ZMYM2: variants seen among roughly 807,000 people sequenced by gnomAD.
ZMYM2 encodes the protein zinc finger MYM-type containing 2.
In ZMYM2, 56 loss-of-function variants were observed where a neutral mutation model predicts 162.8. The observed-to-expected ratio is 0.34, with a 90% confidence interval of 0.28 to 0.43. ZMYM2 has a LOEUF of 0.43. Among genes scored for constraint, ZMYM2 ranks in the 20% least tolerant of loss-of-function variants. The probability of loss-of-function intolerance (pLI) is 1.00; values close to 1 mark genes in which losing one functional copy is unlikely to be tolerated. For missense variants in ZMYM2, 1,275 were observed against 1,621.8 expected (o/e 0.79, Z 3.67); for synonymous variants, 510 against 541.6 (o/e 0.94, Z 0.81).
the ZMYM2 span, among the ~76,000 whole-genome samples, chr13:19,884,245 C>T: frequency 6.6e-6 from 1 of 152,046 alleles, no homozygotes; most frequent in Non-Finnish European, 1.5e-5. Flanking sequence ...AGGGTTGTGT[C>T]CAGTATTTAT....
intron 2 of ZMYM2, among the ~76,000 whole-genome samples, chr13:19,992,365 G>T (rs967115518): frequency 6.6e-6 from 1 of 152,112 alleles, no homozygotes; most frequent in African/African-American, 2.4e-5. Flanking sequence ...TTTGAGACCA[G>T]CCAGGGCAAC....
Position 20,086,772 on chromosome 13 carries a change from T to TATATATAC in ZMYM2, c.*765_*766insCATATATA, listed in dbSNP as rs1958294128. 1 of 11,936 alleles carries TATATATAC rather than the reference T, an allele frequency of 8.4e-5. No homozygotes were observed. Among genetic ancestry groups the TATATATAC allele is most frequent in the African/African-American group, 3.0e-4 (1 of 3,372 alleles). The allele number at this position is 11,936 out of a possible 1,614,324, so 0.7% of individuals were successfully genotyped here. A position where few individuals can be genotyped will look rare whatever the true frequency, so the allele number is the denominator to read the frequency against. On this transcript the variant is annotated 3_prime_UTR_variant, in exon 25 of 25. Coordinates refer to ENST00000610343, the MANE Select transcript of ZMYM2 (RefSeq NM_197968.4). ...ATATATATGTATGTATGTGTGTGTG[T>TATATATAC]ATATATATATATATATATATATATA... is the stretch of plus-strand genomic sequence containing the variant.
chr13:19,886,162 CTTTTTTTT>C, the ZMYM2 span, among the ~76,000 whole-genome samples: 4 of 98,448 alleles, frequency 4.1e-5, no homozygotes, highest in African/African-American at 1.6e-4. Context: ...TTCTTTCTTT[CTTTTTTTT>C]TTTTTTTTTT....
At chr13:19,901,040 G>A in the ZMYM2 span, among the ~76,000 whole-genome samples, 1 of 152,244 alleles carries the variant, frequency 6.6e-6, no homozygotes, top group East Asian at 1.9e-4. Context: ...ATGTCTTCAT[G>A]TAGCCTTTCC....
intron 2 of ZMYM2, among the ~76,000 whole-genome samples, chr13:19,982,281 C>CTT (rs56165263): frequency 0.16 from 13,587 of 85,454 alleles, 726 homozygotes; most frequent in Non-Finnish European, 0.2. Flanking sequence ...TATTAGCTGT[C>CTT]TTTTTTTTTT....
rs1957022368 is a variant in ZMYM2 at position 19,978,759 on chromosome 13, A to G, written c.-10-14304A>G. On this transcript the variant is annotated intron_variant, in intron 2 of 24. Transcript: ENST00000610343. Reference sequence around the variant, plus strand: ...CTTTATCTTTTATATCATATAAAAAAATTAATTATAAACCTAAAGTACATT... The same window carrying G: ...CTTTATCTTTTATATCATATAAAAAGATTAATTATAAACCTAAAGTACATT... 2.0e-5 allele frequency among the ~76,000 whole-genome samples: 3 copies of G among 152,320 alleles called. No individual in the cohort carries two copies. The South Asian group carries it at 6.2e-4, about 32-fold the overall frequency.
At chr13:19,977,829 A>G (rs1284326465) in intron 2 of ZMYM2, among the ~76,000 whole-genome samples, 2 of 146,986 alleles carry the variant, frequency 1.4e-5, no homozygotes, top group Non-Finnish European at 3.0e-5. Context: ...TTTATGTTAA[A>G]TTTTTCTCTA....
intron 2 of ZMYM2, among the ~76,000 whole-genome samples, chr13:19,986,106 T>C (rs904164256): frequency 1.2e-4 from 18 of 152,056 alleles, no homozygotes; most frequent in Non-Finnish European, 2.5e-4. Flanking sequence ...GGAGGATCCG[T>C]TGAGTCCAGG....
chr13:20,083,862 A>T, intron 24 of ZMYM2, 86 bp downstream of exon 24: 2 of 1,323,512 alleles, frequency 1.5e-6, no homozygotes, highest in Non-Finnish European at 2.1e-6. Flanking sequence ...TGACTTTTTT[A>T]GATGGATTCT....
chr13:19,945,094 G>C, the ZMYM2 span, among the ~76,000 whole-genome samples: 12 of 152,268 alleles, frequency 7.9e-5, no homozygotes, highest in South Asian at 2.1e-3. Context: ...TAGTATTATA[G>C]TGATATAATT....
intron 2 of ZMYM2, among the ~76,000 whole-genome samples, chr13:19,963,743 A>G (rs1955491262): frequency 1.3e-5 from 2 of 152,082 alleles, no homozygotes; most frequent in Non-Finnish European, 2.9e-5. Context: ...TATTTAAGAT[A>G]TATTAATTTT....
At chr13:20,033,530 C>T (rs1953395219) in intron 10 of ZMYM2, among the ~76,000 whole-genome samples, 1 of 152,196 alleles carries the variant, frequency 6.6e-6, no homozygotes, top group Admixed American at 6.5e-5. Flanking sequence ...GACTCCCTCA[C>T]CTTCCTTATT....
intron 21 of ZMYM2, among the ~76,000 whole-genome samples, chr13:20,076,624 A>G (rs776626771): frequency 6.9e-6 from 1 of 144,260 alleles, no homozygotes; most frequent in Non-Finnish European, 1.5e-5. Flanking sequence ...TTTACTTTCT[A>G]CATGTTAAGT....
upstream of ZMYM2, among the ~76,000 whole-genome samples, chr13:19,955,138 A>AATTATT (rs58375933): frequency 5.2e-3 from 779 of 149,700 alleles, 5 homozygotes; most frequent in African/African-American, 0.013. Context: ...TAGTTACTGC[A>AATTATT]ATTATTATTA....
intron 3 of ZMYM2, among the ~76,000 whole-genome samples, chr13:19,994,913 A>G (rs1017858648): frequency 6.6e-6 from 1 of 151,706 alleles, no homozygotes; most frequent in African/African-American, 2.4e-5. Context: ...GCTCACTGCA[A>G]CCTCGACTTC....
At chr13:19,872,127 G>A in the ZMYM2 span, among the ~76,000 whole-genome samples, 508 of 151,112 alleles carry the variant, frequency 3.4e-3, 1 homozygote, top group South Asian at 0.026. Flanking sequence ...AAGCCACCAT[G>A]TCTGGCTAAG....
chr13:20,014,898 G>T (rs184228572), intron 6 of ZMYM2, among the ~76,000 whole-genome samples: 1 of 150,780 alleles, frequency 6.6e-6, no homozygotes, highest in Non-Finnish European at 1.5e-5. Context: ...CTGAGTAGCC[G>T]GGATTACAGG....
At chr13:19,964,027 C>T (rs535793629) in intron 2 of ZMYM2, among the ~76,000 whole-genome samples, 10 of 152,226 alleles carry the variant, frequency 6.6e-5, no homozygotes, top group Admixed American at 2.0e-4. Flanking sequence ...TTTAGTTTTA[C>T]TGATTTGATT....
intron 14 of ZMYM2, among the ~76,000 whole-genome samples, chr13:20,056,342 A>G (rs1484890358): frequency 6.6e-6 from 1 of 152,204 alleles, no homozygotes; most frequent in Non-Finnish European, 1.5e-5. Context: ...CTTAGCCTTC[A>G]AAGTTTTATT....
Sources: gnomAD v4.1 joint callset for allele counts (sites outside exome capture counted in the v4.1 genomes callset) on GRCh38, gnomAD v4.1.1 for gene constraint, MANE v1.5 for transcripts, NCBI Gene and HGNC (gene_info 2026-07-23, HGNC 2026-07-21) for gene names.